Variants in XIRP2 observed in about 807,000 individuals in gnomAD.
XIRP2 encodes xin actin binding repeat containing 2.
A neutral mutation model predicts 277.0 loss-of-function variants in XIRP2; 236 were observed. The observed-to-expected ratio is 0.85, with a 90% CI of 0.77 to 0.95. The LOEUF is 0.95. Ranked by LOEUF, XIRP2 falls within the 40% of genes least tolerant of loss-of-function variation. The pLI is 0.00. For synonymous variants in XIRP2, 1,490 were observed against 1,416.5 expected, an observed-to-expected ratio of 1.05 and a Z score of -1.17; for missense variants, 4,640 against 4,157.5, an observed-to-expected ratio of 1.12 and a Z score of -3.19.
chr2:166,982,916 T>C (rs972491044), intron 2 of XIRP2, among the ~76,000 whole-genome samples: 1 of 152,180 alleles, frequency 6.6e-6, no homozygotes, highest in African/African-American at 2.4e-5. Flanking sequence ...ACTCTCCCTC[T>C]TACTAAATGC....
rs921843368 is a variant in XIRP2, at chr2:167,246,719, G to A, written c.5327G>A (p.Gly1776Glu). The A allele has an allele frequency of 1.2e-6, 2 of 1,613,636 alleles. No homozygotes were observed. The highest frequency in any genetic ancestry group is 2.7e-5 in the African/African-American group (2 of 74,898). ...NETLTAKKQE[G>E]EKEIIGGDVE... ...ACACTGACAGCTAAGAAACAAGAAGGAGAGAAAGAAATCATTGGTGGTGAT... is the reference window on the plus strand; with the variant it reads ...ACACTGACAGCTAAGAAACAAGAAGAAGAGAAAGAAATCATTGGTGGTGAT... Residue 1776 changes from glycine to glutamate, a missense_variant, in exon 9 of 11, where the codon GGA (glycine) becomes GAA (glutamate). Gly to Glu is a moderately conservative substitution (Grantham distance 98, BLOSUM62 -2). Coordinates refer to ENST00000409195, the MANE Select transcript of XIRP2 (RefSeq NM_152381.6).
chr2:166,895,093 A>T (rs1325416341), intron 1 of XIRP2, among the ~76,000 whole-genome samples: 1 of 152,130 alleles, frequency 6.6e-6, no homozygotes, highest in Non-Finnish European at 1.5e-5. Flanking sequence ...TCCTGGAGAG[A>T]GGATGAAGGA....
rs558405760 is a variant in XIRP2, at chr2:167,082,755, C to T, written c.409-53154C>T. 5.9e-5 allele frequency among the ~76,000 whole-genome samples: 9 copies of T among 152,302 alleles called. No homozygotes were observed. The South Asian group carries it at 1.9e-3, about 32-fold the overall frequency. ...ATAAATGTCTTCTTTTGAGAAGTGT[C>T]TGTTCATGTCCTTCACCCACTTTTT... On this transcript the variant is annotated intron_variant, in intron 2 of 10. Transcript: ENST00000409195.
In XIRP2 at chr2:166,903,633, G is replaced by C. The variant is rs1684439901; in HGVS notation, c.151G>C (p.Val51Leu). Reference sequence around the variant, plus strand: ...ATTGCTTGCGCCTGAAGGAGAGGTAGTATCAGCACCTCAATCTTTGGATCC... The same window carrying C: ...ATTGCTTGCGCCTGAAGGAGAGGTACTATCAGCACCTCAATCTTTGGATCC... ...SKLLAPEGEV[V>L]SAPQSLDPTS... Residue 51 changes from valine to leucine, a missense_variant, in exon 2 of 11, where the codon GTA becomes CTA. Coordinates refer to ENST00000409195, the MANE Select transcript of XIRP2 (RefSeq NM_152381.6). The C allele has an allele frequency of 1.9e-6, 3 of 1,613,506 alleles. No individual in the cohort carries two copies. The highest frequency in any genetic ancestry group is 2.7e-5 in the African/African-American group (2 of 74,872).
chr2:167,219,568 G>A (rs756092538), intron 5 of XIRP2, among the ~76,000 whole-genome samples: 10 of 152,160 alleles, frequency 6.6e-5, no homozygotes, highest in Non-Finnish European at 1.5e-5. Flanking sequence ...CAGACCCAGG[G>A]CCACCTTCAT....
intron 3 of XIRP2, among the ~76,000 whole-genome samples, chr2:167,165,767 T>G (rs1470117807): frequency 6.6e-6 from 1 of 152,222 alleles, no homozygotes; most frequent in Non-Finnish European, 1.5e-5. Flanking sequence ...TTTTGCAAAT[T>G]ATTTTCTCCC....
At chr2:167,021,117 T>C (rs1338997061) in intron 2 of XIRP2, among the ~76,000 whole-genome samples, 1 of 152,118 alleles carries the variant, frequency 6.6e-6, no homozygotes, top group African/African-American at 2.4e-5. Flanking sequence ...CTAATTCGTA[T>C]GCTTCTAAAA....
At chr2:166,940,971 G>T (rs897909185) in intron 2 of XIRP2, among the ~76,000 whole-genome samples, 1 of 152,138 alleles carries the variant, frequency 6.6e-6, no homozygotes, top group Admixed American at 6.5e-5. Flanking sequence ...TCTCTTCAAA[G>T]CTCTCAGACA....
intron 2 of XIRP2, among the ~76,000 whole-genome samples, chr2:166,997,796 T>C (rs1195435717): frequency 6.6e-6 from 1 of 151,730 alleles, no homozygotes; most frequent in Non-Finnish European, 1.5e-5. Context: ...TCCCAGCTAC[T>C]CGGGAGGCTG....
At chr2:167,190,847 G>A (rs1472134978) in intron 3 of XIRP2, among the ~76,000 whole-genome samples, 2 of 152,070 alleles carry the variant, frequency 1.3e-5, no homozygotes, top group Non-Finnish European at 2.9e-5. Flanking sequence ...CTACCAGTGA[G>A]CACCACAGAA....
At chr2:166,932,853 T>A (rs1270915871) in intron 2 of XIRP2, among the ~76,000 whole-genome samples, 1 of 152,140 alleles carries the variant, frequency 6.6e-6, no homozygotes, top group Non-Finnish European at 1.5e-5. Context: ...TAAGTTTACC[T>A]CTATATCTGG....
At chr2:167,045,406 A>C (rs111920840) in intron 2 of XIRP2, among the ~76,000 whole-genome samples, 23 of 152,096 alleles carry the variant, frequency 1.5e-4, no homozygotes, top group African/African-American at 5.5e-4. Context: ...GACAAATGGG[A>C]CTAATTAAAC....
intron 2 of XIRP2, among the ~76,000 whole-genome samples, chr2:167,057,476 G>A (rs1164611314): frequency 3.4e-4 from 51 of 152,124 alleles, no homozygotes; most frequent in Non-Finnish European, 1.5e-5. Context: ...GCTGAGGTCC[G>A]GAAACACTTG....
At chr2:167,158,350 C>A (rs1692263837) in intron 3 of XIRP2, among the ~76,000 whole-genome samples, 1 of 152,104 alleles carries the variant, frequency 6.6e-6, no homozygotes, top group Admixed American at 6.6e-5. Flanking sequence ...TTACATTTTG[C>A]AAATTTGAAA....
At chr2:167,124,714 G>A (rs1043607671) in intron 2 of XIRP2, among the ~76,000 whole-genome samples, 1 of 152,132 alleles carries the variant, frequency 6.6e-6, no homozygotes, top group Non-Finnish European at 1.5e-5. Context: ...TCTTAGCTGG[G>A]GCATTTGGGG....
intron 1 of XIRP2, among the ~76,000 whole-genome samples, chr2:166,896,830 C>T (rs1684256376): frequency 6.6e-6 from 1 of 152,100 alleles, no homozygotes. Context: ...TGATAAGTTC[C>T]CCATACAGGT....
At chr2:167,137,755 G>A (rs1691596121) in intron 3 of XIRP2, among the ~76,000 whole-genome samples, 1 of 152,104 alleles carries the variant, frequency 6.6e-6, no homozygotes, top group African/African-American at 2.4e-5. Flanking sequence ...CCAAACACAA[G>A]GTGGGAAAAT....
chr2:167,215,300 A>G (rs1327157059), intron 4 of XIRP2, among the ~76,000 whole-genome samples: 1 of 152,204 alleles, frequency 6.6e-6, no homozygotes, highest in African/African-American at 2.4e-5. Context: ...GCAGAATTTG[A>G]TACAATATAT....
At chr2:166,939,658 C>T (rs1462962444) in intron 2 of XIRP2, among the ~76,000 whole-genome samples, 6 of 113,886 alleles carry the variant, frequency 5.3e-5, no homozygotes, top group African/African-American at 1.5e-4. Flanking sequence ...CTGGCCTGGG[C>T]GAAAGAGCAA....
Sources: gnomAD v4.1 joint callset for allele counts (sites outside exome capture counted in the v4.1 genomes callset) on GRCh38, gnomAD v4.1.1 for gene constraint, MANE v1.5 for transcripts, NCBI Gene and HGNC (gene_info 2026-07-23, HGNC 2026-07-21) for gene names.